Variants in NFIA observed in about 807,000 individuals in gnomAD.
The protein encoded by NFIA is nuclear factor 1 A-type.
Under a neutral mutation model 62.8 loss-of-function variants are expected in NFIA, and 8 were observed. The observed-to-expected ratio is 0.13, with a 90% CI of 0.07 to 0.23. The LOEUF (loss-of-function observed/expected upper bound fraction) is 0.23, where lower values mean the gene tolerates loss of function less well. Ranked by LOEUF, NFIA falls within the 10% of genes least tolerant of loss-of-function variation. The pLI is 1.00. For missense variants in NFIA, 410 were observed against 642.1 expected, an observed-to-expected ratio of 0.64 and a Z score of 3.91; for synonymous variants, 235 against 238.1, an observed-to-expected ratio of 0.99 and a Z score of 0.12.
chr1:61,082,343 C>A, upstream of NFIA: 1 of 299,254 alleles, frequency 3.3e-6, no homozygotes, highest in Non-Finnish European at 4.9e-6. Flanking sequence ...GGCCGCGCGG[C>A]GCCGCAGCCG....
chr1:61,126,501 G>A (rs1646974084), intron 2 of NFIA, among the ~76,000 whole-genome samples: 1 of 119,338 alleles, frequency 8.4e-6, no homozygotes, highest in East Asian at 2.4e-4. Context: ...CTTATTGACT[G>A]CAATCCATCT....
chr1:61,082,567 A>C lies in NFIA; in HGVS notation c.-225A>C. The stretch of plus-strand genomic sequence containing the variant: ...GTGTAGGGAAACTCTAGGCGGGGTT[A>C]AAGTTCAGCTCATGGAGCGGCAATA... On this transcript the variant is annotated 5_prime_UTR_variant, in exon 1 of 11. Coordinates refer to ENST00000403491, the MANE Select transcript of NFIA (RefSeq NM_001134673.4). 1.4e-6 allele frequency: 2 copies of C among 1,458,906 alleles called. No individual in the cohort carries two copies. The highest frequency in any genetic ancestry group is 1.8e-6 in the Non-Finnish European group (2 of 1,101,334). 90.4% of individuals were successfully genotyped at this position (1,458,906 alleles called of 1,614,324 possible).
At chr1:61,202,498 T>C (rs760200161) in intron 2 of NFIA, among the ~76,000 whole-genome samples, 5 of 152,186 alleles carry the variant, frequency 3.3e-5, no homozygotes, top group Non-Finnish European at 7.3e-5. Flanking sequence ...TTCCTAGATA[T>C]TCTGACATGC....
intron 3 of NFIA, among the ~76,000 whole-genome samples, chr1:61,324,820 A>G (rs1292346123): frequency 2.0e-5 from 3 of 152,168 alleles, no homozygotes; most frequent in Non-Finnish European, 2.9e-5. Context: ...TGCTTCTCCT[A>G]ACTACCCATG....
chr1:61,174,333 T>A (rs528275891), intron 2 of NFIA, among the ~76,000 whole-genome samples: 3 of 152,308 alleles, frequency 2.0e-5, no homozygotes, highest in Admixed American at 2.0e-4. Flanking sequence ...TGTTACCTGC[T>A]CCGAAAGCTG....
Position 61,458,359 on chromosome 1 carries a change from C to G in NFIA, c.*3039C>G, listed in dbSNP as rs1569937567. ...CAATAAAATTGCACCCTTTTTTAAA[C>G]AAAACAAACTAAGCAATAGTTTGGG... On this transcript the variant is annotated 3_prime_UTR_variant, in exon 11 of 11. Transcript: ENST00000403491. 6.6e-6 allele frequency: 1 copy of G among 152,002 alleles called. No homozygotes were observed. Among genetic ancestry groups the G allele is most frequent in the South Asian group, 2.1e-4 (1 of 4,824 alleles). The allele number at this position is 152,002 out of a possible 1,614,324, so 9.4% of individuals were successfully genotyped here.
chr1:61,383,150 T>G, intron 6 of NFIA, 87 bp from the exon 7 acceptor site: 1 of 1,504,470 alleles, frequency 6.6e-7, no homozygotes, highest in Middle Eastern at 1.8e-4. Context: ...TTTGTTTGTT[T>G]TTAATTCTTT....
chr1:61,386,096 ATTAT>A (rs1403029164), intron 7 of NFIA, among the ~76,000 whole-genome samples: 2 of 152,198 alleles, frequency 1.3e-5, no homozygotes, highest in South Asian at 2.1e-4. Context: ...ATTCAGCCTC[ATTAT>A]TTATTTGCTG....
At chr1:61,179,091 AG>A (rs1650582234) in intron 2 of NFIA, among the ~76,000 whole-genome samples, 1 of 152,248 alleles carries the variant, frequency 6.6e-6, no homozygotes, top group Admixed American at 6.5e-5. Flanking sequence ...GCCCTGAGGC[AG>A]AGAGACTACG....
chr1:61,358,087 A>G (rs1234463521), intron 5 of NFIA, among the ~76,000 whole-genome samples: 1 of 151,880 alleles, frequency 6.6e-6, no homozygotes, highest in Non-Finnish European at 1.5e-5. Flanking sequence ...GAAAATCCCT[A>G]CCCTGATGGA....
intron 10 of NFIA, among the ~76,000 whole-genome samples, chr1:61,437,156 C>T (rs1667366050): frequency 6.6e-6 from 1 of 152,204 alleles, no homozygotes; most frequent in Non-Finnish European, 1.5e-5. Flanking sequence ...GACTATGCTG[C>T]ATATCTCCTG....
At chr1:61,204,867 GC>G in intron 2 of NFIA, among the ~76,000 whole-genome samples, 1 of 150,398 alleles carries the variant, frequency 6.6e-6, no homozygotes, top group African/African-American at 2.4e-5. Flanking sequence ...TTTAGGTAGA[GC>G]TTTTTTCTCT....
chr1:61,197,559 A>G (rs983711544), intron 2 of NFIA, among the ~76,000 whole-genome samples: 1 of 151,754 alleles, frequency 6.6e-6, no homozygotes, highest in Non-Finnish European at 1.5e-5. Context: ...CTTAATAGTG[A>G]AAGATTTATA....
intron 10 of NFIA, chr1:61,439,539 T>G (rs1667485734): frequency 2.0e-5 from 3 of 152,202 alleles, no homozygotes; most frequent in African/African-American, 7.2e-5. Flanking sequence ...CCTCTCCCTA[T>G]CTCGCTGCTT....
In NFIA at chr1:61,306,023, G is replaced by A. The variant is rs570779321; in HGVS notation, c.626-26489G>A. On this transcript the variant is annotated intron_variant, in intron 3 of 10. Coordinates refer to ENST00000403491, the MANE Select transcript of NFIA (RefSeq NM_001134673.4). The stretch of plus-strand genomic sequence containing the variant: ...CCACCACGCCCGGCTAATTTTTGTT[G>A]TATTTTTTATTAGAGACAGAGTTTC... Among the ~76,000 whole-genome samples the A allele has an allele frequency of 2.0e-5, 3 of 148,526 alleles. No homozygotes were observed. The South Asian group carries it at 6.5e-4, about 32-fold the overall frequency.
At chr1:61,132,117 T>G (rs1647092538) in intron 2 of NFIA, among the ~76,000 whole-genome samples, 1 of 152,182 alleles carries the variant, frequency 6.6e-6, no homozygotes, top group Admixed American at 6.6e-5. Context: ...CCCAATTTGC[T>G]TGTTGAGATT....
intron 2 of NFIA, among the ~76,000 whole-genome samples, chr1:61,141,416 G>A (rs563243080): frequency 0.027 from 1,700 of 62,308 alleles, 13 homozygotes; most frequent in Non-Finnish European, 0.066. Flanking sequence ...CCTTTACTCA[G>A]GGGGAAAAAA....
chr1:61,408,984 A>G (rs747592757), intron 9 of NFIA, among the ~76,000 whole-genome samples: 5 of 152,238 alleles, frequency 3.3e-5, no homozygotes, highest in Non-Finnish European at 7.3e-5. Context: ...TTGGGTCCAC[A>G]GTTCTAGACT....
chr1:61,255,229 C>G (rs1013133843), intron 2 of NFIA, among the ~76,000 whole-genome samples: 3 of 152,228 alleles, frequency 2.0e-5, no homozygotes, highest in African/African-American at 7.2e-5. Flanking sequence ...CCAATCACCC[C>G]CAGGACCATA....
Sources: gnomAD v4.1 joint callset for allele counts (sites outside exome capture counted in the v4.1 genomes callset) on GRCh38, gnomAD v4.1.1 for gene constraint, MANE v1.5 for transcripts, NCBI Gene and HGNC (gene_info 2026-07-23, HGNC 2026-07-21) for gene names.